MLLT10: variants seen among roughly 807,000 people sequenced by gnomAD.
MLLT10 encodes the protein protein AF-10.
Under a neutral mutation model 129.1 loss-of-function variants are expected in MLLT10, and 30 were observed. The observed-to-expected ratio is 0.23, with a 90% CI of 0.17 to 0.32. The LOEUF is 0.32. Among genes scored for constraint, MLLT10 ranks in the 10% least tolerant of loss-of-function variants. The pLI, the probability that MLLT10 is intolerant of heterozygous loss-of-function variation, is 1.00. For missense variants in MLLT10, 1,119 were observed against 1,268.3 expected (o/e 0.88, Z 1.79); for synonymous variants, 490 against 446.4 (o/e 1.10, Z -1.23).
intron 3 of MLLT10, among the ~76,000 whole-genome samples, chr10:21,547,484 C>A (rs552998321): frequency 2.0e-5 from 3 of 151,166 alleles, no homozygotes; most frequent in South Asian, 4.2e-4. Flanking sequence ...GATCCTCTCA[C>A]CTTAGCCTTC....
intron 3 of MLLT10, among the ~76,000 whole-genome samples, chr10:21,553,682 C>G (rs1192002388): frequency 6.7e-6 from 1 of 150,178 alleles, no homozygotes; most frequent in Non-Finnish European, 1.5e-5. Flanking sequence ...GACAGGGCCT[C>G]TCTGTCGCCC....
At chr10:21,669,466 A>AT (rs922431809) in intron 9 of MLLT10, among the ~76,000 whole-genome samples, 15 of 152,212 alleles carry the variant, frequency 9.9e-5, no homozygotes, top group African/African-American at 3.1e-4. Context: ...ATATTTTCAG[A>AT]TTTTTTTCAT....
At position 21,717,692 on chromosome 10, in the gene MLLT10, C is replaced by CTCT. The variant is rs1564711024; in HGVS notation, c.1878+3744_1878+3745insTTC. On this transcript the variant is annotated intron_variant, in intron 14 of 22. Coordinates refer to ENST00000307729, the MANE Select transcript of MLLT10 (RefSeq NM_001195626.3). ...CCTCCTCCTCTTCCTCCTCCTCCTCCTCCTCCTCTTCCTCCTCCTCCTCTT... is the reference window on the plus strand; with the variant it reads ...CCTCCTCCTCTTCCTCCTCCTCCTCCTCTTCCTCCTCTTCCTCCTCCTCCTCTT... Among the ~76,000 whole-genome samples, 33 of 104,888 alleles carry CTCT rather than the reference C, an allele frequency of 3.1e-4. 1 individual carries two copies. The highest frequency in any genetic ancestry group is 6.4e-4 in the East Asian group (2 of 3,120). 68.8% of individuals were successfully genotyped at this position (104,888 alleles called of 152,430 possible).
chr10:21,619,071 T>TACACACAC (rs2045562181), intron 8 of MLLT10, among the ~76,000 whole-genome samples: 3 of 123,694 alleles, frequency 2.4e-5, no homozygotes, highest in Admixed American at 7.9e-5. Flanking sequence ...CACACACACT[T>TACACACAC]TTTTTAGATC....
intron 15 of MLLT10, 137 bp downstream of exon 15, chr10:21,726,492 G>A: frequency 1.9e-6 from 1 of 514,070 alleles, no homozygotes. Flanking sequence ...AATATTCACA[G>A]TTGGAAAATG....
chr10:21,697,579 A>G (rs1338609295), intron 13 of MLLT10, among the ~76,000 whole-genome samples: 2 of 152,256 alleles, frequency 1.3e-5, no homozygotes, highest in African/African-American at 4.8e-5. Flanking sequence ...GAAGCAATAC[A>G]TAATGAGTAA....
intron 5 of MLLT10, among the ~76,000 whole-genome samples, chr10:21,607,505 A>G (rs1010885127): frequency 6.6e-6 from 1 of 151,764 alleles, no homozygotes; most frequent in Non-Finnish European, 1.5e-5. Context: ...TTTTTAGTAG[A>G]TACACGGTTT....
At chr10:21,556,955 A>G in intron 3 of MLLT10, 1 of 1,538,984 alleles carries the variant, frequency 6.5e-7, no homozygotes, top group South Asian at 1.2e-5. Flanking sequence ...TTTAAGTGGA[A>G]TTAACTACTT....
At chr10:21,658,696 G>A (rs889020717) in intron 9 of MLLT10, among the ~76,000 whole-genome samples, 2 of 152,218 alleles carry the variant, frequency 1.3e-5, no homozygotes, top group East Asian at 1.9e-4. Context: ...ACGGAGTCTC[G>A]CTCTGTCGCC....
intron 2 of MLLT10, among the ~76,000 whole-genome samples, chr10:21,535,212 C>T (rs1246125542): frequency 2.0e-5 from 3 of 152,204 alleles, no homozygotes; most frequent in South Asian, 2.1e-4. Flanking sequence ...GCGCCCTCTT[C>T]TCCCCTGGCC....
chr10:21,581,306 A>G (rs1238752316), intron 3 of MLLT10, among the ~76,000 whole-genome samples: 3 of 152,108 alleles, frequency 2.0e-5, no homozygotes, highest in African/African-American at 4.8e-5. Context: ...TCGGCCTCCC[A>G]AAGTGCTGAG....
chr10:21,673,317 ACTT>A, intron 10 of MLLT10, 30 bp from the exon 11 acceptor site: 6 of 173,592 alleles, frequency 3.5e-5, no homozygotes, highest in East Asian at 1.0e-4. Context: ...CCACCCCCCA[ACTT>A]TTTTTTTTTT....
At chr10:21,580,279 T>C (rs2041260800) in intron 3 of MLLT10, among the ~76,000 whole-genome samples, 1 of 152,114 alleles carries the variant, frequency 6.6e-6, no homozygotes, top group South Asian at 2.1e-4. Context: ...TTAGTGACAT[T>C]TTTCCGTAAA....
intron 21 of MLLT10, among the ~76,000 whole-genome samples, chr10:21,739,487 T>C (rs1166105441): frequency 2.3e-4 from 35 of 152,226 alleles, no homozygotes; most frequent in Admixed American, 2.3e-3. Context: ...GTGTTTCCCT[T>C]GACGCAGAGC....
chr10:21,701,911 T>TTCTCG (rs559249879), intron 13 of MLLT10, among the ~76,000 whole-genome samples: 2,976 of 150,346 alleles, frequency 0.02, 36 homozygotes, highest in South Asian at 0.043. Flanking sequence ...TTCTCTTCTC[T>TTCTCG]TCTCGTCTCG....
Position 21,534,508 on chromosome 10 carries a change from C to A in MLLT10, c.-13C>A. 1.1e-6 allele frequency: 1 copy of A among 875,592 alleles called. No individual in the cohort carries two copies. Among genetic ancestry groups the A allele is most frequent in the Non-Finnish European group, 1.7e-6 (1 of 598,254 alleles). The allele number at this position is 875,592 out of a possible 1,614,324, so 54.2% of individuals were successfully genotyped here. A position where few individuals can be genotyped will look rare whatever the true frequency, so the allele number is the denominator to read the frequency against. On this transcript the variant is annotated 5_prime_UTR_variant, in exon 1 of 23. Coordinates refer to ENST00000307729, the MANE Select transcript of MLLT10 (RefSeq NM_001195626.3). ...CCTGTGCGGAACGTGAGTGACTGAG[C>A]GGCAAAGCCCGAGTGAGCGAGCGGT...
At chr10:21,736,601 CCAA>C (rs2058384545) in intron 21 of MLLT10, among the ~76,000 whole-genome samples, 1 of 152,164 alleles carries the variant, frequency 6.6e-6, no homozygotes, top group Admixed American at 6.5e-5. Flanking sequence ...GAAGACAGAA[CCAA>C]CAAGACTTGT....
At chr10:21,543,643 T>C (rs1238316143) in intron 3 of MLLT10, among the ~76,000 whole-genome samples, 1 of 151,978 alleles carries the variant, frequency 6.6e-6, no homozygotes, top group Admixed American at 6.6e-5. Flanking sequence ...CACGCCCAGC[T>C]AAGTTTTGTA....
chr10:21,723,490 T>C (rs1326234981), intron 14 of MLLT10, among the ~76,000 whole-genome samples: 1 of 152,244 alleles, frequency 6.6e-6, no homozygotes, highest in Admixed American at 6.5e-5. Flanking sequence ...GTCACATAGA[T>C]GACTGCATGA....
Sources: gnomAD v4.1 joint callset for allele counts (sites outside exome capture counted in the v4.1 genomes callset) on GRCh38, gnomAD v4.1.1 for gene constraint, MANE v1.5 for transcripts, NCBI Gene and HGNC (gene_info 2026-07-23, HGNC 2026-07-21) for gene names.